Variants in DNAAF11 observed in about 807,000 individuals in gnomAD.
The protein encoded by DNAAF11 is dynein axonemal assembly factor 11.
Under a neutral mutation model 60.8 loss-of-function variants are expected in DNAAF11, and 45 were observed. The observed-to-expected ratio is 0.74, with a 90% CI of 0.58 to 0.95. The LOEUF (loss-of-function observed/expected upper bound fraction) is 0.95, where lower values mean the gene tolerates loss of function less well. Ranked by LOEUF, DNAAF11 falls within the 40% of genes least tolerant of loss-of-function variation. The pLI is 0.00. For missense variants in DNAAF11, 546 were observed against 546.2 expected (o/e 1.00, Z 0.00); for synonymous variants, 191 against 183.5 (o/e 1.04, Z -0.33).
intron 3 of DNAAF11, among the ~76,000 whole-genome samples, chr8:132,656,437 C>T (rs151126841): frequency 1.4e-4 from 21 of 152,044 alleles, no homozygotes; most frequent in Non-Finnish European, 2.1e-4. Context: ...ATTTTAAAAG[C>T]GTACCTATTT....
At chr8:132,578,419 C>T in intron 11 of DNAAF11, 1 of 1,484,138 alleles carries the variant, frequency 6.7e-7, no homozygotes, top group South Asian at 1.3e-5. Context: ...TTTGCTTTCC[C>T]CGCCTTAATG....
At chr8:132,640,796 G>A (rs1821777339) in intron 3 of DNAAF11, among the ~76,000 whole-genome samples, 1 of 152,080 alleles carries the variant, frequency 6.6e-6, no homozygotes, top group Admixed American at 6.5e-5. Context: ...AATATAAACA[G>A]TTTGAAAGAA....
chr8:132,612,436 C>T lies in DNAAF11; in HGVS notation c.975-1073G>A, dbSNP rs148929927. On this transcript the variant is annotated intron_variant, in intron 8 of 11. Transcript: ENST00000620350. ...CTGTCCTTACCTACATGGCCTTTCT[C>T]TGGCAGAAATAATTGTCTGACAGTT... Among the ~76,000 whole-genome samples, 153 of 152,320 alleles carry T rather than the reference C, an allele frequency of 1.0e-3. No homozygotes were observed. In the Middle Eastern group the frequency reaches 0.014, roughly 14 times the overall value.
At chr8:132,629,672 T>C (rs1357206750) in intron 5 of DNAAF11, among the ~76,000 whole-genome samples, 1 of 152,042 alleles carries the variant, frequency 6.6e-6, no homozygotes, top group Non-Finnish European at 1.5e-5. Flanking sequence ...AACGCTACTA[T>C]TCCACTCCAT....
chr8:132,597,255 T>G (rs971267040), intron 10 of DNAAF11, among the ~76,000 whole-genome samples: 2 of 152,164 alleles, frequency 1.3e-5, no homozygotes, highest in African/African-American at 4.8e-5. Context: ...TTTCAAGACG[T>G]GGCTGTTCCC....
chr8:132,578,818 C>T (rs185857685), intron 11 of DNAAF11, among the ~76,000 whole-genome samples: 74 of 152,318 alleles, frequency 4.9e-4, no homozygotes, highest in African/African-American at 1.8e-3. Context: ...GTCACCTTTG[C>T]CCTGAGAGCA....
intron 10 of DNAAF11, among the ~76,000 whole-genome samples, chr8:132,600,123 C>T (rs1356617563): frequency 1.3e-5 from 2 of 152,158 alleles, no homozygotes; most frequent in Non-Finnish European, 2.9e-5. Flanking sequence ...TTCCTATACA[C>T]CAATAACAGA....
chr8:132,593,203 T>C (rs1816639282), intron 10 of DNAAF11, among the ~76,000 whole-genome samples: 1 of 151,494 alleles, frequency 6.6e-6, no homozygotes, highest in Admixed American at 6.6e-5. Context: ...CAGTATCTCA[T>C]ACGATGGAGA....
intron 3 of DNAAF11, among the ~76,000 whole-genome samples, chr8:132,642,363 C>G (rs763088385): frequency 1.3e-5 from 2 of 152,232 alleles, no homozygotes; most frequent in African/African-American, 2.4e-5. Flanking sequence ...AGATGCCCAT[C>G]ATGTGCACTC....
At chr8:132,579,912 G>T (rs773319423) in intron 11 of DNAAF11, among the ~76,000 whole-genome samples, 2 of 151,834 alleles carry the variant, frequency 1.3e-5, no homozygotes, top group African/African-American at 4.8e-5. Context: ...CACAAGAATC[G>T]CTTGAACTGG....
At chr8:132,578,817 G>T (rs918418480) in intron 11 of DNAAF11, among the ~76,000 whole-genome samples, 9 of 152,196 alleles carry the variant, frequency 5.9e-5, no homozygotes, top group Non-Finnish European at 8.8e-5. Flanking sequence ...AGTCACCTTT[G>T]CCCTGAGAGC....
chr8:132,678,320 C>G (rs1227309295), upstream of DNAAF11, among the ~76,000 whole-genome samples: 2 of 152,224 alleles, frequency 1.3e-5, no homozygotes, highest in Non-Finnish European at 2.9e-5. Flanking sequence ...GACATCATAA[C>G]TCATTCCCTA....
chr8:132,581,825 T>C (rs898921465), intron 11 of DNAAF11, among the ~76,000 whole-genome samples: 1 of 152,204 alleles, frequency 6.6e-6, no homozygotes, highest in Admixed American at 6.5e-5. Context: ...TTCTTGAAGA[T>C]GAAAGACAGA....
chr8:132,702,839 T>C, the DNAAF11 span, among the ~76,000 whole-genome samples: 1 of 152,176 alleles, frequency 6.6e-6, no homozygotes, highest in Non-Finnish European at 1.5e-5. Flanking sequence ...AGAGCTGAAG[T>C]ATCATGCTAT....
chr8:132,618,747 G>A (rs1015676153), intron 7 of DNAAF11, among the ~76,000 whole-genome samples: 2 of 151,950 alleles, frequency 1.3e-5, no homozygotes, highest in African/African-American at 4.8e-5. Context: ...ACCACAATGA[G>A]ATACCATCTC....
chr8:132,638,471 ACTC>A (rs1729050613), intron 3 of DNAAF11, among the ~76,000 whole-genome samples: 3 of 152,004 alleles, frequency 2.0e-5, no homozygotes, highest in Non-Finnish European at 4.4e-5. Flanking sequence ...TCAGAACAAA[ACTC>A]CTACTACAGA....
At chr8:132,646,467 A>T (rs1300982207) in intron 3 of DNAAF11, among the ~76,000 whole-genome samples, 1 of 152,236 alleles carries the variant, frequency 6.6e-6, no homozygotes, top group Admixed American at 6.5e-5. Context: ...TAATGACAGG[A>T]TCAAATTCTC....
chr8:132,677,401 G>T (rs768362418), upstream of DNAAF11, among the ~76,000 whole-genome samples: 2 of 151,874 alleles, frequency 1.3e-5, no homozygotes, highest in Non-Finnish European at 2.9e-5. Context: ...TAGCCTAGGT[G>T]ACACAAAGAA....
chr8:132,610,016 G>A (rs966474330), intron 10 of DNAAF11, 150 bp downstream of exon 10: 34 of 585,824 alleles, frequency 5.8e-5, no homozygotes, highest in East Asian at 2.9e-5. Context: ...CTCACAGACC[G>A]TTGTTCTCCT....
Sources: allele counts gnomAD v4.1 joint callset (sites outside exome capture counted in the v4.1 genomes callset), GRCh38; gene constraint gnomAD v4.1.1; transcripts MANE v1.5; gene names NCBI Gene and HGNC (gene_info 2026-07-23, HGNC 2026-07-21).